Variants in BRAF observed in about 807,000 individuals in gnomAD.
The protein encoded by BRAF is B-Raf proto-oncogene, serine/threonine kinase, also known as serine/threonine-protein kinase B-raf.
Under a neutral mutation model 104.6 loss-of-function variants are expected in BRAF, and 16 were observed. The ratio of observed to expected loss-of-function variants is 0.15; its 90% CI spans 0.10 to 0.23. The LOEUF is 0.23. Ranked by LOEUF, BRAF falls within the 10% of genes least tolerant of loss-of-function variation. The pLI, the probability that BRAF is intolerant of heterozygous loss-of-function variation, is 1.00. For missense variants in BRAF, 541 were observed against 937.3 expected (o/e 0.58, Z 5.52); for synonymous variants, 310 against 341.6 (o/e 0.91, Z 1.02).
At chr7:140,889,699 C>T (rs1384288555) in intron 1 of BRAF, among the ~76,000 whole-genome samples, 1 of 152,016 alleles carries the variant, frequency 6.6e-6, no homozygotes, top group African/African-American at 2.4e-5. Context: ...CTACCACAGC[C>T]CAGGGTACTA....
intron 14 of BRAF, among the ~76,000 whole-genome samples, chr7:140,770,615 G>GATGA (rs1319065854): frequency 6.6e-6 from 1 of 151,434 alleles, no homozygotes; most frequent in African/African-American, 2.4e-5. Flanking sequence ...GGGTCCTTGG[G>GATGA]ATGAATCAAT....
At chr7:140,798,640 T>C (rs1367930394) in intron 7 of BRAF, among the ~76,000 whole-genome samples, 3 of 144,040 alleles carry the variant, frequency 2.1e-5, no homozygotes, top group Non-Finnish European at 4.5e-5. Context: ...TGTGAAAGAG[T>C]ACACAGACCT....
intron 14 of BRAF, among the ~76,000 whole-genome samples, chr7:140,771,911 CAATATTAATT>C (rs1200823321): frequency 6.6e-6 from 1 of 151,996 alleles, no homozygotes; most frequent in African/African-American, 2.4e-5. Context: ...AGCTAAGAAG[CAATATTAATT>C]ATCCAAGCAG....
intron 2 of BRAF, among the ~76,000 whole-genome samples, chr7:140,846,713 T>C (rs1277020066): frequency 6.6e-6 from 1 of 151,930 alleles, no homozygotes; most frequent in Admixed American, 6.6e-5. Flanking sequence ...AAAAAAAGTG[T>C]AAAGGAATCT....
At chr7:140,800,070 T>C in intron 7 of BRAF, 1 of 446,488 alleles carries the variant, frequency 2.2e-6, no homozygotes, top group Non-Finnish European at 4.1e-6. Context: ...TGTTTCTAAT[T>C]AACCAGGAGA....
At chr7:140,909,281 C>T (rs1045693988) in intron 1 of BRAF, among the ~76,000 whole-genome samples, 4 of 152,022 alleles carry the variant, frequency 2.6e-5, no homozygotes, top group East Asian at 1.9e-4. Flanking sequence ...CAAAATTAGC[C>T]GGGCATGGTG....
intron 1 of BRAF, among the ~76,000 whole-genome samples, chr7:140,900,703 C>T (rs565222598): frequency 2.6e-5 from 4 of 152,150 alleles, no homozygotes; most frequent in Non-Finnish European, 5.9e-5. Flanking sequence ...CTTCACCTCC[C>T]GGATTCAAGT....
chr7:140,826,805 T>A (rs999769962), intron 3 of BRAF, among the ~76,000 whole-genome samples: 28 of 152,210 alleles, frequency 1.8e-4, no homozygotes, highest in South Asian at 4.1e-4. Flanking sequence ...TACGTTACCA[T>A]CCTCACATTT....
chr7:140,781,369 A>G, intron 12 of BRAF: 1 of 572,260 alleles, frequency 1.7e-6, no homozygotes, highest in East Asian at 2.9e-5. Context: ...TATTACTGTA[A>G]TAAAATGGTA....
intron 3 of BRAF, 151 bp from the exon 4 acceptor site, chr7:140,809,146 G>A: frequency 8.0e-6 from 5 of 624,046 alleles, no homozygotes; most frequent in South Asian, 3.8e-5. Context: ...TAATACTAAA[G>A]GGAAATTATA....
At position 140,921,756 on chromosome 7, in the gene BRAF, C is replaced by T. The variant is rs1818249436; in HGVS notation, c.138+2810G>A. On this transcript the variant is annotated intron_variant, in intron 1 of 19. Coordinates refer to ENST00000644969, the MANE Select transcript of BRAF (RefSeq NM_001374258.1). The stretch of plus-strand genomic sequence containing the variant: ...TAATGACTTGCTTTCCCTTTGAAAT[C>T]AGACTTTTTTTTTAGATGAAATTTC... Among the ~76,000 whole-genome samples, 6 of 151,012 alleles carry T rather than the reference C, an allele frequency of 4.0e-5. No individual in the cohort carries two copies. The South Asian group carries it at 1.3e-3, about 31-fold the overall frequency.
intron 2 of BRAF, among the ~76,000 whole-genome samples, chr7:140,841,114 G>C (rs1385006944): frequency 6.6e-6 from 1 of 152,050 alleles, no homozygotes; most frequent in East Asian, 1.9e-4. Flanking sequence ...TATACAAATG[G>C]CTAACAAGAA....
chr7:140,903,013 C>A (rs1277392005), intron 1 of BRAF, among the ~76,000 whole-genome samples: 1 of 151,534 alleles, frequency 6.6e-6, no homozygotes, highest in Non-Finnish European at 1.5e-5. Flanking sequence ...CAACCTCTGC[C>A]TCCCGGGTTC....
chr7:140,896,906 T>C (rs1350087489), intron 1 of BRAF, among the ~76,000 whole-genome samples: 4 of 143,862 alleles, frequency 2.8e-5, no homozygotes, highest in Non-Finnish European at 6.1e-5. Context: ...AAGAGACCTA[T>C]AAACAAATGA....
downstream of BRAF, among the ~76,000 whole-genome samples, chr7:140,716,448 T>C (rs1003439386): frequency 6.6e-6 from 1 of 152,202 alleles, no homozygotes; most frequent in Non-Finnish European, 1.5e-5. Context: ...TTCTAGACCA[T>C]TGGACCTAAG....
At chr7:140,778,638 G>GTA (rs1394434154) in intron 12 of BRAF, among the ~76,000 whole-genome samples, 3 of 151,306 alleles carry the variant, frequency 2.0e-5, no homozygotes, top group East Asian at 1.9e-4. Flanking sequence ...CATGGCACAT[G>GTA]TATATATATG....
intron 3 of BRAF, among the ~76,000 whole-genome samples, chr7:140,820,659 G>A (rs1427677699): frequency 6.6e-6 from 1 of 152,072 alleles, no homozygotes; most frequent in Non-Finnish European, 1.5e-5. Flanking sequence ...ATATCTCAGG[G>A]CCAGGTGCAG....
At chr7:140,862,337 G>A (rs923958384) in intron 1 of BRAF, among the ~76,000 whole-genome samples, 1 of 152,082 alleles carries the variant, frequency 6.6e-6, no homozygotes, top group African/African-American at 2.4e-5. Context: ...AAAAAAGAGA[G>A]AGCAAGAAAG....
At chr7:140,788,575 T>C (rs991502335) in intron 8 of BRAF, among the ~76,000 whole-genome samples, 5 of 152,098 alleles carry the variant, frequency 3.3e-5, no homozygotes, top group African/African-American at 9.7e-5. Context: ...AAGTGGCTCA[T>C]AGAAAGGTTT....
Sources: allele counts gnomAD v4.1 joint callset (sites outside exome capture counted in the v4.1 genomes callset), GRCh38; gene constraint gnomAD v4.1.1; transcripts MANE v1.5; gene names NCBI Gene and HGNC (gene_info 2026-07-23, HGNC 2026-07-21).